ANKS1B: variants seen among roughly 807,000 people sequenced by gnomAD.
ANKS1B encodes the protein ankyrin repeat and sterile alpha motif domain-containing protein 1B.
ANKS1B carries 36 observed loss-of-function variants against 148.3 expected under a neutral mutation model. The ratio of observed to expected loss-of-function variants is 0.24; its 90% CI spans 0.19 to 0.32. The LOEUF is 0.32. Among genes scored for constraint, ANKS1B ranks in the 10% least tolerant of loss-of-function variants. The pLI is 1.00. For missense variants in ANKS1B, 1,157 were observed against 1,542.6 expected, an observed-to-expected ratio of 0.75 and a Z score of 4.19; for synonymous variants, 542 against 560.8, an observed-to-expected ratio of 0.97 and a Z score of 0.47.
At chr12:99,597,294 C>T (rs1050909611) in intron 9 of ANKS1B, among the ~76,000 whole-genome samples, 2 of 151,548 alleles carry the variant, frequency 1.3e-5, no homozygotes, top group African/African-American at 4.8e-5. Flanking sequence ...AATTACAACA[C>T]ACTACATTAA....
intron 12 of ANKS1B, among the ~76,000 whole-genome samples, chr12:99,385,154 A>G (rs1026213445): frequency 1.3e-5 from 2 of 148,574 alleles, no homozygotes; most frequent in Non-Finnish European, 3.0e-5. Context: ...TTAGATTAAT[A>G]TATTTAAGAT....
At chr12:99,015,411 G>A (rs1168204274) in intron 17 of ANKS1B, among the ~76,000 whole-genome samples, 1 of 151,968 alleles carries the variant, frequency 6.6e-6, no homozygotes, top group Non-Finnish European at 1.5e-5. Context: ...TAACTTAATG[G>A]GTATTAGGCT....
At chr12:98,740,466 A>G (rs990619880), downstream of ANKS1B, among the ~76,000 whole-genome samples, 5 of 152,212 alleles carry the variant, frequency 3.3e-5, no homozygotes, top group African/African-American at 1.2e-4. Flanking sequence ...TTTGGTGTGC[A>G]TATTAACCCA....
chr12:99,179,955 G>A (rs1477742894), intron 14 of ANKS1B, among the ~76,000 whole-genome samples: 1 of 152,052 alleles, frequency 6.6e-6, no homozygotes, highest in Non-Finnish European at 1.5e-5. Flanking sequence ...ATAAACCCTA[G>A]GCTGTAACAT....
At chr12:98,787,724 A>G (rs528946847) in intron 22 of ANKS1B, among the ~76,000 whole-genome samples, 1 of 152,030 alleles carries the variant, frequency 6.6e-6, no homozygotes, top group South Asian at 2.1e-4. Flanking sequence ...GTTCGAGACC[A>G]GCCTGGGCAA....
intron 8 of ANKS1B, among the ~76,000 whole-genome samples, chr12:99,672,586 G>T (rs918927744): frequency 1.3e-5 from 2 of 152,094 alleles, no homozygotes; most frequent in African/African-American, 4.8e-5. Context: ...GAACAATTCT[G>T]AAAGGTCACC....
At chr12:99,606,204 G>A (rs1181410902) in intron 9 of ANKS1B, among the ~76,000 whole-genome samples, 1 of 151,616 alleles carries the variant, frequency 6.6e-6, no homozygotes, top group South Asian at 2.1e-4. Flanking sequence ...TTCCTATTGA[G>A]TTGTCTGGTT....
At chr12:99,196,063 C>T (rs1254129775) in intron 14 of ANKS1B, among the ~76,000 whole-genome samples, 1 of 152,030 alleles carries the variant, frequency 6.6e-6, no homozygotes, top group South Asian at 2.1e-4. Context: ...AATGCCAAAT[C>T]ATGTTGTTGT....
At chr12:99,797,270 C>G (rs530077997) in intron 4 of ANKS1B, among the ~76,000 whole-genome samples, 1 of 151,922 alleles carries the variant, frequency 6.6e-6, no homozygotes, top group Non-Finnish European at 1.5e-5. Flanking sequence ...TTATCACACC[C>G]TAGACAGAGT....
intron 9 of ANKS1B, among the ~76,000 whole-genome samples, chr12:99,551,078 A>G (rs1350528918): frequency 6.6e-6 from 1 of 152,140 alleles, no homozygotes; most frequent in Non-Finnish European, 1.5e-5. Flanking sequence ...CCTGACCTCT[A>G]TGTCCCAGCC....
At chr12:99,726,834 CATACACAAA>C (rs1240839159) in intron 8 of ANKS1B, among the ~76,000 whole-genome samples, 1 of 152,142 alleles carries the variant, frequency 6.6e-6, no homozygotes, top group Admixed American at 6.5e-5. Context: ...GCTAGTTCAA[CATACACAAA>C]TCAATACATG....
chr12:98,848,743 G>GTTTTCTTTTTTTTTTTT lies in ANKS1B; in HGVS notation c.2779-16608_2779-16607insAAAAAAAAAAAAGAAAA, dbSNP rs2099500389. Among the ~76,000 whole-genome samples, 2 of 48,090 alleles carry GTTTTCTTTTTTTTTTTT rather than the reference G, an allele frequency of 4.2e-5. 1 individual carries two copies. Among genetic ancestry groups the GTTTTCTTTTTTTTTTTT allele is most frequent in the Non-Finnish European group, 7.1e-5 (2 of 28,346 alleles). The allele number at this position is 48,090 out of a possible 152,430, so 31.5% of individuals were successfully genotyped here. A position where few individuals can be genotyped will look rare whatever the true frequency, so the allele number is the denominator to read the frequency against. Reference sequence around the variant, plus strand: ...CTGGATTAATTTCTGTGTATGTGTGGTTTTTTTTTTTTTGAGACGGAGTCT... The same window carrying GTTTTCTTTTTTTTTTTT: ...CTGGATTAATTTCTGTGTATGTGTGGTTTTCTTTTTTTTTTTTTTTTTTTTTTTTTGAGACGGAGTCT... On this transcript the variant is annotated intron_variant, in intron 17 of 26. Transcript: ENST00000683438.
intron 12 of ANKS1B, among the ~76,000 whole-genome samples, chr12:99,396,285 C>G (rs942136274): frequency 6.6e-6 from 1 of 152,124 alleles, no homozygotes; most frequent in Non-Finnish European, 1.5e-5. Flanking sequence ...CTCTTCAACT[C>G]ATTCTCTTTA....
intron 8 of ANKS1B, among the ~76,000 whole-genome samples, chr12:99,746,119 G>A (rs1345469914): frequency 1.3e-5 from 2 of 152,072 alleles, no homozygotes; most frequent in East Asian, 3.8e-4. Context: ...TTTAAACCAG[G>A]GCCGTGTAAC....
At chr12:99,644,501 T>A (rs1029669424) in intron 9 of ANKS1B, among the ~76,000 whole-genome samples, 1 of 152,184 alleles carries the variant, frequency 6.6e-6, no homozygotes, top group African/African-American at 2.4e-5. Flanking sequence ...TTCTGAGCCC[T>A]TATTAGCGGC....
At chr12:99,660,447 T>A (rs2098471681) in intron 8 of ANKS1B, among the ~76,000 whole-genome samples, 2 of 144,056 alleles carry the variant, frequency 1.4e-5, no homozygotes, top group Admixed American at 7.3e-5. Context: ...CACTGCAGCC[T>A]CCACCTCCCA....
chr12:98,858,724 T>C (rs2099584241), intron 17 of ANKS1B, among the ~76,000 whole-genome samples: 1 of 152,160 alleles, frequency 6.6e-6, no homozygotes, highest in Admixed American at 6.5e-5. Flanking sequence ...CTAAGGAATC[T>C]GACCCTCACT....
chr12:99,256,985 C>T (rs762698600), intron 12 of ANKS1B, among the ~76,000 whole-genome samples: 2 of 152,068 alleles, frequency 1.3e-5, no homozygotes, highest in African/African-American at 2.4e-5. Flanking sequence ...GTGGCTCATG[C>T]CGTAATCCCA....
intron 12 of ANKS1B, among the ~76,000 whole-genome samples, chr12:99,311,744 A>C (rs2083205468): frequency 6.6e-6 from 1 of 152,286 alleles, no homozygotes; most frequent in Non-Finnish European, 1.5e-5. Context: ...TTTTGAAAGT[A>C]CATTCAATGT....
Sources: gnomAD v4.1 joint callset for allele counts (sites outside exome capture counted in the v4.1 genomes callset) on GRCh38, gnomAD v4.1.1 for gene constraint, MANE v1.5 for transcripts, NCBI Gene and HGNC (gene_info 2026-07-23, HGNC 2026-07-21) for gene names.